ODAPH: variants seen among roughly 807,000 people sequenced by gnomAD.
ODAPH encodes odontogenesis associated phosphoprotein.
In ODAPH, 2 loss-of-function variants were observed where a neutral mutation model predicts 2.8. The ratio of observed to expected loss-of-function variants is 0.72; its 90% CI spans 0.30 to 2.28. The LOEUF is 2.28. Ranked by LOEUF, ODAPH falls within the 30% of genes most tolerant of loss-of-function variation. The pLI, the probability that ODAPH is intolerant of heterozygous loss-of-function variation, is 0.13. For synonymous variants in ODAPH, 75 were observed against 60.3 expected, an observed-to-expected ratio of 1.24 and a Z score of -1.13; for missense variants, 159 against 163.3, an observed-to-expected ratio of 0.97 and a Z score of 0.14.
rs372308359 is a variant in ODAPH at position 75,564,096 on chromosome 4, G to C, written c.68-18G>C. On this transcript the variant is annotated intron_variant, in intron 1 of 1. Coordinates refer to ENST00000311623, the MANE Select transcript of ODAPH (RefSeq NM_178497.5). The stretch of plus-strand genomic sequence containing the variant: ...TGTTACCAGACCTGTTTCCTGACTT[G>C]CGTTTTCCTCTCCACAGGACAAGAA... 5.0e-6 allele frequency: 8 copies of C among 1,613,398 alleles called. No homozygotes were observed. The highest frequency in any genetic ancestry group is 1.3e-5 in the African/African-American group (1 of 74,848).
At chr4:75,562,910 C>A (rs1168458990) in intron 1 of ODAPH, among the ~76,000 whole-genome samples, 1 of 149,268 alleles carries the variant, frequency 6.7e-6, no homozygotes, top group Non-Finnish European at 1.5e-5. Flanking sequence ...AACTTTTGAA[C>A]AGTTATTTTT....
downstream of ODAPH, chr4:75,565,066 G>A (rs145583753): frequency 9.1e-3 from 1,421 of 156,406 alleles, 73 homozygotes; most frequent in Admixed American, 0.069. Context: ...GTGCTGTCTC[G>A]GCTCACTGCA....
intron 1 of ODAPH, among the ~76,000 whole-genome samples, chr4:75,562,799 A>G (rs2148844722): frequency 6.6e-6 from 1 of 152,288 alleles, no homozygotes; most frequent in Non-Finnish European, 1.5e-5. Flanking sequence ...CTTCTCAAAA[A>G]GTAATTGTAT....
chr4:75,558,483 C>A (rs1727432623), intron 1 of ODAPH, among the ~76,000 whole-genome samples: 1 of 150,782 alleles, frequency 6.6e-6, no homozygotes, highest in Non-Finnish European at 1.5e-5. Context: ...GCTTTGTCTG[C>A]CCAAATAACC....
At position 75,564,318 on chromosome 4, in the gene ODAPH, T is replaced by C. The variant is rs540030139; in HGVS notation, c.272T>C (p.Val91Ala). 1.6e-5 allele frequency: 26 copies of C among 1,614,122 alleles called. No homozygotes were observed. In the African/African-American group the frequency reaches 3.3e-4, roughly 21 times the overall value. ...IHFRFPNRPF[V>A]PSRCNHRFPF... is the part of the protein sequence containing the mutation. ...TTTAGGTTTCCAAACAGACCTTTCG[T>C]CCCTTCAAGGTGTAACCACCGTTTT... Residue 91 changes from valine to alanine, a missense_variant, in exon 2 of 2, where the codon GTC (valine) becomes GCC (alanine). Coordinates refer to ENST00000311623, the MANE Select transcript of ODAPH (RefSeq NM_178497.5).
chr4:75,556,842 G>A (rs762356915), intron 1 of ODAPH, among the ~76,000 whole-genome samples: 18 of 152,182 alleles, frequency 1.2e-4, no homozygotes, highest in Non-Finnish European at 2.2e-4. Context: ...GAAATCTTGG[G>A]GAGCCTAGAT....
intron 1 of ODAPH, among the ~76,000 whole-genome samples, chr4:75,560,140 C>G (rs577720169): frequency 4.5e-4 from 68 of 152,110 alleles, no homozygotes; most frequent in African/African-American, 1.6e-3. Context: ...GGGTTAGATT[C>G]CAATGGATTA....
chr4:75,562,339 CTTTT>C (rs10672492), intron 1 of ODAPH, among the ~76,000 whole-genome samples: 3 of 135,626 alleles, frequency 2.2e-5, no homozygotes, highest in Non-Finnish European at 3.2e-5. Flanking sequence ...GTGGGAAGTT[CTTTT>C]TTTTTTTTTT....
rs150372740 is a variant in ODAPH at position 75,561,492 on chromosome 4, G to A, written c.68-2622G>A. Among the ~76,000 whole-genome samples the A allele has an allele frequency of 4.3e-4, 66 of 152,208 alleles. No individual in the cohort carries two copies. In the East Asian group the frequency reaches 0.011, roughly 26 times the overall value. On this transcript the variant is annotated intron_variant, in intron 1 of 1. Transcript: ENST00000311623. ...GCTTTAGAAACAAGTAGAGCTGGAGGTAGATTGATTATTATAAGGATATCT... is the reference window on the plus strand; with the variant it reads ...GCTTTAGAAACAAGTAGAGCTGGAGATAGATTGATTATTATAAGGATATCT...
chr4:75,556,808 G>A (rs923342487), intron 1 of ODAPH, among the ~76,000 whole-genome samples: 1 of 152,186 alleles, frequency 6.6e-6, no homozygotes, highest in South Asian at 2.1e-4. Context: ...GGGAAGGGAT[G>A]AAAAGAGGGA....
At chr4:75,556,489 C>A (rs909404664) in intron 1 of ODAPH, 20 of 1,454,322 alleles carry the variant, frequency 1.4e-5, no homozygotes, top group Non-Finnish European at 1.6e-5. Context: ...AAACACTGTA[C>A]AAATACTAGT....
chr4:75,561,367 GTCTCAA>G (rs1480853742), intron 1 of ODAPH, among the ~76,000 whole-genome samples: 2 of 152,134 alleles, frequency 1.3e-5, no homozygotes, highest in East Asian at 1.9e-4. Context: ...AGTTTAAAGT[GTCTCAA>G]TCTAGTTTCA....
At position 75,556,418 on chromosome 4, in the gene ODAPH, A is replaced by C. The variant is rs62318656; in HGVS notation, c.67+269A>C. 0.21 allele frequency: 165,665 copies of C among 788,244 alleles called. 18,166 individuals are homozygous for C. Among genetic ancestry groups the C allele is most frequent in the Middle Eastern group, 0.34 (1,477 of 4,328 alleles). The allele number at this position is 788,244 out of a possible 1,614,324, so 48.8% of individuals were successfully genotyped here. A position where few individuals can be genotyped will look rare whatever the true frequency, so the allele number is the denominator to read the frequency against. On this transcript the variant is annotated intron_variant, in intron 1 of 1. Coordinates refer to ENST00000311623, the MANE Select transcript of ODAPH (RefSeq NM_178497.5). The stretch of plus-strand genomic sequence containing the variant: ...TGAAGTGACAACATTAACAATATCC[A>C]TCGTTATGGGGTTTGCAAGGACCAA...
At chr4:75,556,725 G>T in intron 1 of ODAPH, 1 of 683,494 alleles carries the variant, frequency 1.5e-6, no homozygotes, top group South Asian at 1.9e-5. Context: ...CTCTTTCTTT[G>T]TTCCCACTAC....
At position 75,562,139 on chromosome 4, in the gene ODAPH, G is replaced by A. The variant is rs116300331; in HGVS notation, c.68-1975G>A. Among the ~76,000 whole-genome samples, 1,271 of 152,252 alleles carry A rather than the reference G, an allele frequency of 8.3e-3. 19 individuals are homozygous for A. The highest frequency in any genetic ancestry group is 0.029 in the African/African-American group (1,203 of 41,554). Reference sequence around the variant, plus strand: ...TCTATCAGTGGTCCAATCAGCCATAGCCAGAAGGTGCGTAGGACTGACAAC... The same window carrying A: ...TCTATCAGTGGTCCAATCAGCCATAACCAGAAGGTGCGTAGGACTGACAAC... On this transcript the variant is annotated intron_variant, in intron 1 of 1. Coordinates refer to ENST00000311623, the MANE Select transcript of ODAPH (RefSeq NM_178497.5).
rs1308609528 is a variant in ODAPH at position 75,556,119 on chromosome 4, G to T, written c.37G>T (p.Val13Leu). 6.2e-7 allele frequency: 1 copy of T among 1,614,166 alleles called. No individual in the cohort carries two copies. The highest frequency in any genetic ancestry group is 1.7e-5 in the Admixed American group (1 of 60,014). Residue 13 changes from valine (V) to leucine (L), a missense_variant, in exon 1 of 2, where the codon GTA becomes TTA. Val to Leu is a conservative substitution (Grantham distance 32, BLOSUM62 1). Coordinates refer to ENST00000311623, the MANE Select transcript of ODAPH (RefSeq NM_178497.5). Reference sequence around the variant, plus strand: ...ACACTGCTTCTCCTACTGGTTACTGGTATGCTGGTTGGTGGTAACTGTGGC... The same window carrying T: ...ACACTGCTTCTCCTACTGGTTACTGTTATGCTGGTTGGTGGTAACTGTGGC... ...RRHCFSYWLL[V>L]CWLVVTVAEG...
At chr4:75,561,223 C>CAAAAAACAAAAACAAAA (rs760206306) in intron 1 of ODAPH, among the ~76,000 whole-genome samples, 2 of 62,700 alleles carry the variant, frequency 3.2e-5, no homozygotes, top group African/African-American at 1.2e-4. Flanking sequence ...AACTCAATCT[C>CAAAAAACAAAAACAAAA]AAAAAAAAAA....
chr4:75,559,576 C>T (rs1727479890), intron 1 of ODAPH, among the ~76,000 whole-genome samples: 1 of 152,236 alleles, frequency 6.6e-6, no homozygotes. Flanking sequence ...TTCTGCCTCT[C>T]AAAATGTTTT....
rs778192571 is a variant in ODAPH, at chr4:75,564,286, A to C, written c.240A>C (p.Arg80Ser). Residue 80 changes from arginine (R) to serine (S), a missense_variant, in exon 2 of 2, where the codon AGA becomes AGC. Arg to Ser is a moderately radical substitution (Grantham distance 110, BLOSUM62 -1). Transcript: ENST00000311623. Reference sequence around the variant, plus strand: ...TCCATTTTTTTCCACGAAGGCCCAGAATCCATTTTAGGTTTCCAAACAGAC... The same window carrying C: ...TCCATTTTTTTCCACGAAGGCCCAGCATCCATTTTAGGTTTCCAAACAGAC... ...CPFHFFPRRP[R>S]IHFRFPNRPF... is the part of the protein sequence containing the mutation. 3.1e-6 allele frequency: 5 copies of C among 1,614,076 alleles called. No homozygotes were observed. The African/African-American group carries it at 6.7e-5, about 22-fold the overall frequency.
Sources: gnomAD v4.1 joint callset for allele counts (sites outside exome capture counted in the v4.1 genomes callset) on GRCh38, gnomAD v4.1.1 for gene constraint, MANE v1.5 for transcripts, NCBI Gene and HGNC (gene_info 2026-07-23, HGNC 2026-07-21) for gene names.